The following SMPD4 variants were observed in gnomAD, a reference collection of about 807,000 sequenced individuals.
SMPD4 encodes neutral sphingomyelinase 3.
Under a neutral mutation model 97.8 loss-of-function variants are expected in SMPD4, and 58 were observed. That is an observed-to-expected ratio of 0.59 (90% CI 0.48 to 0.74). The LOEUF (loss-of-function observed/expected upper bound fraction) is 0.74, where lower values mean the gene tolerates loss of function less well. Ranked by LOEUF, SMPD4 falls within the 30% of genes least tolerant of loss-of-function variation. SMPD4 has a pLI of 0.00. For synonymous variants in SMPD4, 388 were observed against 450.0 expected (o/e 0.86, Z 1.74); for missense variants, 853 against 1,080.5 (o/e 0.79, Z 2.95).
At chr2:130,169,130 AC>A (rs1230481570) in intron 8 of SMPD4, among the ~76,000 whole-genome samples, 1 of 152,230 alleles carries the variant, frequency 6.6e-6, no homozygotes, top group Non-Finnish European at 1.5e-5. Context: ...CAGGTGTCCC[AC>A]TACGGTGCTC....
intron 8 of SMPD4, 48 bp downstream of exon 8, chr2:130,172,301 G>A (rs777588599): frequency 2.0e-6 from 3 of 1,504,532 alleles, no homozygotes; most frequent in African/African-American, 2.8e-5. Context: ...CAAGTGACCA[G>A]GCCACTCCCT....
Position 130,158,845 on chromosome 2 carries a change from C to A in SMPD4, c.952-1449G>T, listed in dbSNP as rs547233243. ...TGCTGAGGCTGGTGCAGGGCCCAGC[C>A]TCCAGGTATATCCTGGTATGCTGTA... On this transcript the variant is annotated intron_variant, in intron 11 of 19. Transcript: ENST00000680298. Among the ~76,000 whole-genome samples the A allele has an allele frequency of 2.0e-5, 3 of 152,310 alleles. No individual in the cohort carries two copies. The East Asian group carries it at 5.8e-4, about 29-fold the overall frequency.
upstream of SMPD4, chr2:130,181,737 G>C (rs536338783): frequency 9.0e-4 from 1,386 of 1,548,344 alleles, 1 homozygote; most frequent in Non-Finnish European, 1.2e-3. Flanking sequence ...GCAGGAGTGC[G>C]GGGGAGGGAG....
chr2:130,174,775 T>C (rs1688811227), intron 3 of SMPD4, 139 bp downstream of exon 3: 3 of 584,050 alleles, frequency 5.1e-6, no homozygotes, highest in East Asian at 2.7e-5. Flanking sequence ...TCCGTAAACA[T>C]AATGGTCATG....
At position 130,171,852 on chromosome 2, in the gene SMPD4, G is replaced by A. The variant is rs570402338; in HGVS notation, c.659+497C>T. Among the ~76,000 whole-genome samples the A allele has an allele frequency of 5.9e-5, 9 of 152,330 alleles. No homozygotes were observed. The East Asian group carries it at 1.7e-3, about 29-fold the overall frequency. On this transcript the variant is annotated intron_variant, in intron 8 of 19. Coordinates refer to ENST00000680298, the MANE Select transcript of SMPD4 (RefSeq NM_017951.5). ...GTCGGCCTGCGTTAGTGCCCACTGA[G>A]GACCCAGGACAGCCAGGCATGAGAG...
chr2:130,167,353 T>A (rs528066842), intron 9 of SMPD4, 105 bp downstream of exon 9: 1 of 1,520,706 alleles, frequency 6.6e-7, no homozygotes, highest in African/African-American at 1.4e-5. Flanking sequence ...ACTCCTGACC[T>A]CAGGTCATCT....
chr2:130,177,755 A>C (rs886070023), intron 1 of SMPD4, among the ~76,000 whole-genome samples: 5 of 151,878 alleles, frequency 3.3e-5, no homozygotes, highest in African/African-American at 1.2e-4. Flanking sequence ...GGCCAGCTTC[A>C]GAGCCAAGTT....
intron 11 of SMPD4, among the ~76,000 whole-genome samples, chr2:130,159,106 C>T (rs1687143665): frequency 6.6e-6 from 1 of 152,080 alleles, no homozygotes; most frequent in South Asian, 2.1e-4. Flanking sequence ...GGGATCCTCC[C>T]ATCTCAGCCT....
chr2:130,167,534 C>G lies in SMPD4; in HGVS notation c.716G>C (p.Arg239Pro). The change falls in exon 9 of 20, where the codon CGA (arginine) becomes CCA (proline). Residue 239 changes from arginine (R) to proline (P), a missense_variant. By Grantham distance (103) the Arg-to-Pro change is moderately radical (BLOSUM62 -2). Coordinates refer to ENST00000680298, the MANE Select transcript of SMPD4 (RefSeq NM_017951.5). ...CACAGACGTCTGATGAGAGATGTGT[C>G]GCTTTAGGAGGCTAGTGTGGTGGAG... is the stretch of plus-strand genomic sequence containing the variant. ...YGLHHTSLLK[R>P]HISHQTSVNA... 1 of 1,613,744 alleles carries G rather than the reference C, an allele frequency of 6.2e-7. No homozygotes were observed. Among genetic ancestry groups the G allele is most frequent in the Non-Finnish European group, 8.5e-7 (1 of 1,179,812 alleles).
intron 13 of SMPD4, 138 bp downstream of exon 13, chr2:130,156,447 A>C (rs1272121711): frequency 3.1e-5 from 27 of 866,488 alleles, no homozygotes; most frequent in Admixed American, 1.2e-4. Flanking sequence ...CAGAAAGAAC[A>C]ATGTGGCCCT....
intron 10 of SMPD4, among the ~76,000 whole-genome samples, chr2:130,162,920 G>A (rs1353544685): frequency 1.3e-5 from 2 of 152,216 alleles, no homozygotes; most frequent in Non-Finnish European, 2.9e-5. Flanking sequence ...GTCTGGCCAA[G>A]AGGAAGCAAA....
chr2:130,153,926 G>A lies in SMPD4; in HGVS notation c.1669C>T (p.Leu557Phe), dbSNP rs765087922. 5 of 1,613,454 alleles carry A rather than the reference G, an allele frequency of 3.1e-6. No homozygotes were observed. The highest frequency in any genetic ancestry group is 4.2e-6 in the Non-Finnish European group (5 of 1,179,758). Residue 557 changes from leucine to phenylalanine, a missense_variant, in exon 17 of 20, where the codon CTC becomes TTC. Coordinates refer to ENST00000680298, the MANE Select transcript of SMPD4 (RefSeq NM_017951.5). ...TTGGCCTGTGTGATGAGCTGAGCGA[G>A]GCGCAGGACCTGCAAGGGAGGCGCG... ...GPEARTLVLRLAQLITQAKHT... is the reference protein window; with the variant it reads ...GPEARTLVLRFAQLITQAKHT...
At chr2:130,169,555 T>C (rs1558757769) in intron 8 of SMPD4, among the ~76,000 whole-genome samples, 1 of 151,762 alleles carries the variant, frequency 6.6e-6, no homozygotes, top group Admixed American at 6.5e-5. Context: ...TGAAGATCTA[T>C]GAAAGTTTCT....
At chr2:130,161,059 G>C (rs1279300372) in intron 11 of SMPD4, 127 bp downstream of exon 11, 1 of 875,966 alleles carries the variant, frequency 1.1e-6, no homozygotes, top group East Asian at 2.6e-5. Flanking sequence ...GCCTCCCCCC[G>C]ACACAGGGGC....
At chr2:130,167,662 A>G in intron 8 of SMPD4, 72 bp from the exon 9 acceptor site, 2 of 1,495,492 alleles carry the variant, frequency 1.3e-6, no homozygotes, top group Non-Finnish European at 9.0e-7. Context: ...AACAGGGGCA[A>G]TCTGGATATC....
chr2:130,164,526 C>T, intron 9 of SMPD4, 81 bp from the exon 10 acceptor site: 4 of 1,150,532 alleles, frequency 3.5e-6, no homozygotes, highest in South Asian at 2.6e-5. Flanking sequence ...GTGTCTCCAA[C>T]AAGCAGAGCT....
chr2:130,154,594 G>C, intron 15 of SMPD4, 112 bp from the exon 16 acceptor site: 1 of 1,457,898 alleles, frequency 6.9e-7, no homozygotes, highest in Non-Finnish European at 9.4e-7. Context: ...TGACCCAGGG[G>C]TGTCCTCCTG....
intron 3 of SMPD4, 72 bp from the exon 4 acceptor site, chr2:130,173,728 C>A: frequency 1.3e-6 from 2 of 1,593,570 alleles, no homozygotes; most frequent in Middle Eastern, 2.0e-4. Flanking sequence ...TCCTGCACCA[C>A]CTGCTGCCCA....
intron 8 of SMPD4, among the ~76,000 whole-genome samples, chr2:130,168,146 A>G (rs1280237061): frequency 1.3e-5 from 2 of 152,228 alleles, no homozygotes; most frequent in Non-Finnish European, 2.9e-5. Flanking sequence ...TTGAGGCTAT[A>G]GTGACAAATG....
Sources: allele counts gnomAD v4.1 joint callset (sites outside exome capture counted in the v4.1 genomes callset), GRCh38; gene constraint gnomAD v4.1.1; transcripts MANE v1.5; gene names NCBI Gene and HGNC (gene_info 2026-07-23, HGNC 2026-07-21).